The following SLC35F4 variants were observed in gnomAD, a reference collection of about 807,000 sequenced individuals.
The protein encoded by SLC35F4 is solute carrier family 35 member F4, also known as chromosome 14 open reading frame 36.
SLC35F4 carries 24 observed loss-of-function variants against 44.2 expected under a neutral mutation model. That is an observed-to-expected ratio of 0.54 (90% CI 0.39 to 0.76). The LOEUF is 0.76. Ranked by LOEUF, SLC35F4 falls within the 30% of genes least tolerant of loss-of-function variation. The pLI is 0.00. For synonymous variants in SLC35F4, 238 were observed against 223.6 expected (o/e 1.06, Z -0.57); for missense variants, 562 against 586.1 (o/e 0.96, Z 0.42).
chr14:57,978,634 T>C (rs72714738), intron 1 of SLC35F4, among the ~76,000 whole-genome samples: 16,620 of 152,262 alleles, frequency 0.11, 1,034 homozygotes, highest in Non-Finnish European at 0.13. Context: ...ATGCTGTTTA[T>C]GTGCCAGACT....
At chr14:57,922,900 G>A (rs1345508939) in intron 1 of SLC35F4, among the ~76,000 whole-genome samples, 1 of 152,220 alleles carries the variant, frequency 6.6e-6, no homozygotes, top group Admixed American at 6.5e-5. Context: ...GAACTGTGTT[G>A]TCCAGCATTC....
chr14:57,662,931 T>A (rs1049191002), intron 1 of SLC35F4, among the ~76,000 whole-genome samples: 11 of 152,186 alleles, frequency 7.2e-5, no homozygotes, highest in African/African-American at 2.7e-4. Context: ...TCCCCTGGAC[T>A]ATGGTTGACA....
intron 1 of SLC35F4, among the ~76,000 whole-genome samples, chr14:57,947,987 C>CT (rs1209534295): frequency 6.6e-6 from 1 of 151,994 alleles, no homozygotes; most frequent in Non-Finnish European, 1.5e-5. Flanking sequence ...CTATAGTTTT[C>CT]TTTTTTTGTA....
At chr14:57,898,261 A>G (rs963754928) in intron 1 of SLC35F4, among the ~76,000 whole-genome samples, 67 of 152,380 alleles carry the variant, frequency 4.4e-4, no homozygotes, top group Middle Eastern at 3.4e-3. Context: ...TCTGATTCAT[A>G]AGATTGTTAC....
intron 1 of SLC35F4, among the ~76,000 whole-genome samples, chr14:57,650,497 C>T (rs2073739564): frequency 6.6e-6 from 1 of 152,160 alleles, no homozygotes; most frequent in African/African-American, 2.4e-5. Context: ...CACACCTCAA[C>T]TACGTCTACT....
intron 1 of SLC35F4, among the ~76,000 whole-genome samples, chr14:57,966,161 C>T (rs1471606878): frequency 6.6e-6 from 1 of 152,186 alleles, no homozygotes; most frequent in African/African-American, 2.4e-5. Context: ...ATTTACTGTT[C>T]CCTAATCTAT....
At chr14:57,686,310 C>T (rs1431077740) in intron 1 of SLC35F4, among the ~76,000 whole-genome samples, 1 of 152,156 alleles carries the variant, frequency 6.6e-6, no homozygotes, top group Admixed American at 6.6e-5. Context: ...AAATTAATTC[C>T]TAAAGCTATT....
rs1371310933 is a variant in SLC35F4, at chr14:57,772,077, A to G, written c.103+93646T>C. 2.2e-4 allele frequency among the ~76,000 whole-genome samples: 33 copies of G among 152,210 alleles called. 1 individual carries two copies. The highest frequency in any genetic ancestry group is 2.0e-3 in the Admixed American group (31 of 15,286). ...CAACTACACATCGAAATAGGAAAAC[A>G]TATCTGTGAAGCAACATCAAAAAAA... is the stretch of plus-strand genomic sequence containing the variant. On this transcript the variant is annotated intron_variant, in intron 1 of 7. Transcript: ENST00000556826.
chr14:57,888,957 T>C (rs933044523), intron 1 of SLC35F4, among the ~76,000 whole-genome samples: 2 of 152,160 alleles, frequency 1.3e-5, no homozygotes, highest in Non-Finnish European at 2.9e-5. Context: ...AATAACTCAG[T>C]ATATGCCATG....
chr14:57,580,236 G>T (rs1009247890), intron 4 of SLC35F4, among the ~76,000 whole-genome samples: 11 of 152,132 alleles, frequency 7.2e-5, no homozygotes, highest in African/African-American at 2.7e-4. Context: ...ATCTTTCAGG[G>T]TTAATGACCA....
chr14:57,647,248 T>C (rs957279294), intron 1 of SLC35F4, among the ~76,000 whole-genome samples: 2 of 151,658 alleles, frequency 1.3e-5, no homozygotes, highest in Non-Finnish European at 2.9e-5. Context: ...TATTATTGTG[T>C]GGGAGTCTAA....
intron 1 of SLC35F4, among the ~76,000 whole-genome samples, chr14:57,922,083 T>C (rs1889455076): frequency 1.3e-5 from 2 of 152,186 alleles, no homozygotes; most frequent in Non-Finnish European, 2.9e-5. Context: ...GATGAGATCT[T>C]TGATTCTGAA....
At chr14:57,842,372 TTC>T (rs1353560155) in intron 1 of SLC35F4, among the ~76,000 whole-genome samples, 1 of 152,118 alleles carries the variant, frequency 6.6e-6, no homozygotes, top group Non-Finnish European at 1.5e-5. Context: ...GCTGGAGATA[TTC>T]TGTTTGCCTC....
downstream of SLC35F4, among the ~76,000 whole-genome samples, chr14:57,972,442 A>T (rs1175841360): frequency 6.6e-6 from 1 of 152,168 alleles, no homozygotes; most frequent in Non-Finnish European, 1.5e-5. Context: ...GATTTGAGCT[A>T]AATTTTTGAG....
At chr14:57,928,305 C>T (rs1022429580) in intron 1 of SLC35F4, among the ~76,000 whole-genome samples, 1 of 152,170 alleles carries the variant, frequency 6.6e-6, no homozygotes, top group Non-Finnish European at 1.5e-5. Flanking sequence ...CTATCCCTGC[C>T]AGGTACTAAG....
intron 1 of SLC35F4, among the ~76,000 whole-genome samples, chr14:57,713,041 C>CT (rs1159323618): frequency 6.6e-6 from 1 of 152,170 alleles, no homozygotes; most frequent in East Asian, 1.9e-4. Context: ...TCCCGAATTT[C>CT]TTTTCCATTA....
intron 1 of SLC35F4, among the ~76,000 whole-genome samples, chr14:57,930,508 A>G (rs1303277311): frequency 6.6e-6 from 1 of 152,144 alleles, no homozygotes; most frequent in East Asian, 1.9e-4. Context: ...TCTCTGCCCT[A>G]TGAAAACTTC....
At chr14:57,943,150 T>C (rs1889945695) in intron 1 of SLC35F4, among the ~76,000 whole-genome samples, 1 of 152,188 alleles carries the variant, frequency 6.6e-6, no homozygotes, top group African/African-American at 2.4e-5. Context: ...CGTATTACTG[T>C]ATTGCTTTTT....
chr14:57,687,875 A>C (rs1255133842), intron 1 of SLC35F4, among the ~76,000 whole-genome samples: 1 of 152,222 alleles, frequency 6.6e-6, no homozygotes, highest in African/African-American at 2.4e-5. Context: ...TGAGAAAAAA[A>C]TGTTTTCAAC....
Sources: allele counts gnomAD v4.1 joint callset (sites outside exome capture counted in the v4.1 genomes callset), GRCh38; gene constraint gnomAD v4.1.1; transcripts MANE v1.5; gene names NCBI Gene and HGNC (gene_info 2026-07-23, HGNC 2026-07-21).